COL6A1: variants seen among roughly 807,000 people sequenced by gnomAD.
The protein encoded by COL6A1 is collagen type VI alpha 1 chain.
Under a neutral mutation model 145.6 loss-of-function variants are expected in COL6A1, and 80 were observed. The observed-to-expected ratio is 0.55, with a 90% CI of 0.46 to 0.66. The LOEUF (loss-of-function observed/expected upper bound fraction) is 0.66. Ranked by LOEUF, COL6A1 falls within the 30% of genes least tolerant of loss-of-function variation. The pLI, the probability that COL6A1 is intolerant of heterozygous loss-of-function variation, is 0.00. For missense variants in COL6A1, 1,364 were observed against 1,473.8 expected, an observed-to-expected ratio of 0.93 and a Z score of 1.22; for synonymous variants, 638 against 622.8, an observed-to-expected ratio of 1.02 and a Z score of -0.36.
Position 46,004,660 on chromosome 21 carries a change from C to G in COL6A1, c.*647C>G, listed in dbSNP as rs1317648571. 1 of 445,152 alleles carries G rather than the reference C, an allele frequency of 2.2e-6. No homozygotes were observed. Among genetic ancestry groups the G allele is most frequent in the Non-Finnish European group, 4.5e-6 (1 of 220,044 alleles). 27.6% of individuals were successfully genotyped at this position (445,152 alleles called of 1,614,324 possible). The stretch of plus-strand genomic sequence containing the variant: ...AGACATAAATCTCGGCGACTCGGCC[C>G]CGTCTCCTGAGGGTCCTGCTGGTGA... On this transcript the variant is annotated 3_prime_UTR_variant, in exon 35 of 35. Coordinates refer to ENST00000361866, the MANE Select transcript of COL6A1 (RefSeq NM_001848.3).
At chr21:45,989,033 T>G in intron 8 of COL6A1, 51 bp from the exon 9 acceptor site, 4 of 1,597,782 alleles carry the variant, frequency 2.5e-6, no homozygotes, top group Non-Finnish European at 3.4e-6. Flanking sequence ...GTGAGCCAGC[T>G]TTTTAGAAAG....
At chr21:45,982,514 AGCCTCTCCGG>A in intron 1 of COL6A1, 110 bp from the exon 2 acceptor site, 1 of 1,427,724 alleles carries the variant, frequency 7.0e-7, no homozygotes, top group Non-Finnish European at 9.7e-7. Context: ...TTCCCGGGAG[AGCCTCTCCGG>A]GCCCGGGGCT....
intron 19 of COL6A1, among the ~76,000 whole-genome samples, chr21:45,993,604 G>C (rs562482625): frequency 2.6e-5 from 4 of 152,192 alleles, no homozygotes; most frequent in Admixed American, 6.5e-5. Flanking sequence ...GCCGGGGCCA[G>C]AGTCGCCGCC....
At chr21:45,996,904 T>C (rs1387253124) in intron 20 of COL6A1, among the ~76,000 whole-genome samples, 1 of 152,014 alleles carries the variant, frequency 6.6e-6, no homozygotes, top group Non-Finnish European at 1.5e-5. Flanking sequence ...GTGTCCAGGC[T>C]CAGCCCACAG....
chr21:45,998,782 G>C, intron 24 of COL6A1, 115 bp from the exon 25 acceptor site: 5 of 1,254,708 alleles, frequency 4.0e-6, no homozygotes, highest in Middle Eastern at 2.0e-4. Flanking sequence ...TGTGTGTGGT[G>C]GGGGAAGGGA....
In COL6A1 at chr21:46,002,624, G is replaced by A. The variant is rs200261890; in HGVS notation, c.2348G>A (p.Arg783Gln). Residue 783 changes from arginine to glutamine, a missense_variant, in exon 33 of 35, where the codon CGG becomes CAG. This residue lies in a region of COL6A1 where 938 missense variants were observed against 1,003.8 expected (regional missense o/e 0.93). Transcript: ENST00000361866. ...CAAGGCCTGGCACCATCCCAGGGCC[G>A]GCCCGGCCTCTCGCTGGTCAAGGAG... The part of the protein sequence containing the change: ...SCQGLAPSQG[R>Q]PGLSLVKENY... The A allele has an allele frequency of 2.8e-4, 459 of 1,614,092 alleles. 4 individuals carry two copies. The highest frequency in any genetic ancestry group is 2.7e-3 in the South Asian group (244 of 91,092).
intron 3 of COL6A1, among the ~76,000 whole-genome samples, chr21:45,984,897 GAGAC>G (rs2077729434): frequency 6.7e-6 from 1 of 149,776 alleles, no homozygotes; most frequent in South Asian, 2.1e-4. Flanking sequence ...CAGGCAGAGA[GAGAC>G]AGAGAGACAG....
chr21:46,002,522 C>T lies in COL6A1; in HGVS notation c.2251-5C>T. 6.2e-7 allele frequency: 1 copy of T among 1,614,002 alleles called. No individual in the cohort carries two copies. Among genetic ancestry groups the T allele is most frequent in the South Asian group, 1.1e-5 (1 of 91,082 alleles). ...GCGCCACACCGATACTGTCTGTCCC[C>T]ACAGGTGGTCTCCGTGGGCATCAAA... On this transcript the variant is annotated splice_polypyrimidine_tract_variant and splice_region_variant and intron_variant, in intron 32 of 34. Transcript: ENST00000361866.
intron 26 of COL6A1, 113 bp from the exon 27 acceptor site, chr21:45,999,544 G>T: frequency 3.4e-6 from 4 of 1,159,528 alleles, no homozygotes; most frequent in Non-Finnish European, 5.0e-6. Flanking sequence ...GGGAGGGACC[G>T]GGCAGGGGTG....
At chr21:45,982,231 G>A (rs1201222928) in intron 1 of COL6A1, among the ~76,000 whole-genome samples, 4 of 152,168 alleles carry the variant, frequency 2.6e-5, no homozygotes, top group African/African-American at 9.7e-5. Context: ...CTGTCTCGGC[G>A]CCCCGTGAAT....
chr21:46,000,805 C>T (rs747980352), intron 29 of COL6A1, 38 bp downstream of exon 29: 9 of 1,612,548 alleles, frequency 5.6e-6, no homozygotes, highest in African/African-American at 4.0e-5. Context: ...GAATGGATCC[C>T]GGGGGTCGGG....
intron 20 of COL6A1, 100 bp from the exon 21 acceptor site, chr21:45,997,321 G>T: frequency 9.2e-7 from 1 of 1,092,068 alleles, no homozygotes; most frequent in Non-Finnish European, 1.4e-6. Context: ...GAGCCTGGGG[G>T]CCCTGATGCC....
Position 46,003,719 on chromosome 21 carries a change from G to T in COL6A1, c.2793G>T (p.Ser931=). Residue 931 remains serine, a synonymous_variant, in exon 35 of 35, where the codon TCG becomes TCT. Transcript: ENST00000361866. ...GYVTRFYREA[S]SGAAKKRLLL... ...TGACCCGCTTCTACCGCGAGGCCTC[G>T]TCCGGCGCTGCCAAGAAGAGGCTGC... 6.2e-7 allele frequency: 1 copy of T among 1,613,002 alleles called. No individual in the cohort carries two copies.
chr21:45,997,818 G>A (rs1489967661), intron 22 of COL6A1, 56 bp downstream of exon 22: 9 of 1,533,270 alleles, frequency 5.9e-6, no homozygotes, highest in Admixed American at 2.0e-5. Context: ...AGAGGCCCTG[G>A]GAAGCCCCAG....
chr21:45,990,474 AGATG>A, intron 13 of COL6A1, 52 bp downstream of exon 13: 1 of 349,180 alleles, frequency 2.9e-6, no homozygotes, highest in Non-Finnish European at 4.4e-6. Flanking sequence ...GAATGGGGCG[AGATG>A]GGGAGGGACG....
In COL6A1 at chr21:45,997,436, A is replaced by C. The variant is rs773660427; in HGVS notation, c.1414A>C (p.Ile472Leu). 1 of 1,612,874 alleles carries C rather than the reference A, an allele frequency of 6.2e-7. No homozygotes were observed. The highest frequency in any genetic ancestry group is 8.5e-7 in the Non-Finnish European group (1 of 1,179,882). ...CTCTCTACAGGGCGAGGCTGGCCCT[A>C]TCGGACCTAAAGGCTACCGAGGCGA... ...VPGDPGEAGPIGPKGYRGDEG... is the reference protein window; with the variant it reads ...VPGDPGEAGPLGPKGYRGDEG... Residue 472 changes from isoleucine to leucine, a missense_variant, in exon 21 of 35, where the codon ATC (isoleucine) becomes CTC (leucine). Around this residue, in one of 3 missense-constraint regions of COL6A1, gnomAD observed 938 missense variants for 1,003.8 expected, o/e 0.93. Coordinates refer to ENST00000361866, the MANE Select transcript of COL6A1 (RefSeq NM_001848.3).
chr21:46,000,967 A>G (rs2077841115), intron 29 of COL6A1, 200 bp downstream of exon 29: 4 of 731,468 alleles, frequency 5.5e-6, no homozygotes, highest in Admixed American at 4.4e-5. Context: ...TCTTTCACCC[A>G]TAACTGAAAT....
intron 28 of COL6A1, 46 bp downstream of exon 28, chr21:46,000,413 C>A (rs1488893765): frequency 6.2e-7 from 1 of 1,604,256 alleles, no homozygotes; most frequent in African/African-American, 1.3e-5. Context: ...AGCAGGGCCG[C>A]CAGCCTGGCC....
Position 45,986,621 on chromosome 21 carries a change from C to T in COL6A1, c.524C>T (p.Ala175Val), listed in dbSNP as rs1459131726. The T allele has an allele frequency of 3.5e-5, 54 of 1,555,408 alleles. No individual in the cohort carries two copies. Among genetic ancestry groups the T allele is most frequent in the Non-Finnish European group, 4.6e-5 (53 of 1,149,766 alleles). Residue 175 changes from alanine (A) to valine (V), a missense_variant, in exon 4 of 35, where the codon GCT becomes GTT. Transcript: ENST00000361866. Reference protein sequence around the residue: ...YKEPCGGLEDAVNEAKHLGVK... With the variant: ...YKEPCGGLEDVVNEAKHLGVK... ...GAACCCTGTGGGGGGCTGGAGGATG[C>T]TGTGAACGAGGCCAAGCACCTGGGC...
Sources: allele counts gnomAD v4.1 joint callset (sites outside exome capture counted in the v4.1 genomes callset), GRCh38; gene constraint gnomAD v4.1.1; regional missense constraint gnomAD v4.1.1; transcripts MANE v1.5; gene names NCBI Gene and HGNC (gene_info 2026-07-23, HGNC 2026-07-21).